Variants in SLC25A26 observed in about 807,000 individuals in gnomAD.
SLC25A26 encodes the protein solute carrier family 25 member 26.
A neutral mutation model predicts 37.8 loss-of-function variants in SLC25A26; 36 were observed. The ratio of observed to expected loss-of-function variants is 0.95; its 90% CI spans 0.73 to 1.26. SLC25A26 has a LOEUF of 1.26. Ranked by LOEUF, SLC25A26 falls within the 50% of genes most tolerant of loss-of-function variation. The probability of loss-of-function intolerance (pLI) is 0.00; values close to 1 mark genes in which losing one functional copy is unlikely to be tolerated. For missense variants in SLC25A26, 390 were observed against 331.1 expected, an observed-to-expected ratio of 1.18 and a Z score of -1.38; for synonymous variants, 129 against 122.5, an observed-to-expected ratio of 1.05 and a Z score of -0.35.
At chr3:66,363,009 C>A in intron 7 of SLC25A26, 80 bp downstream of exon 7, 1 of 885,762 alleles carries the variant, frequency 1.1e-6, no homozygotes, top group Non-Finnish European at 1.7e-6. Context: ...AAACAACATT[C>A]TTTAGACATT....
At chr3:66,335,311 A>T (rs2076069298) in intron 5 of SLC25A26, among the ~76,000 whole-genome samples, 1 of 152,224 alleles carries the variant, frequency 6.6e-6, no homozygotes, top group Admixed American at 6.5e-5. Context: ...TTATGGAGTG[A>T]CTTTACAGAG....
At chr3:66,374,637 G>C (rs332377) in intron 9 of SLC25A26, among the ~76,000 whole-genome samples, 111,069 of 152,190 alleles carry the variant, frequency 0.73, 41,199 homozygotes, top group African/African-American at 0.86. Context: ...GTAATCCCAG[G>C]ATTTTGGGGG....
chr3:66,144,721 G>A (rs985488086), intron 1 of SLC25A26, among the ~76,000 whole-genome samples: 2 of 152,184 alleles, frequency 1.3e-5, no homozygotes, highest in Non-Finnish European at 2.9e-5. Context: ...TTGTGCACAC[G>A]TTCATGGACC....
chr3:66,283,788 AACC>A (rs1305048925), intron 5 of SLC25A26, among the ~76,000 whole-genome samples: 1 of 152,256 alleles, frequency 6.6e-6, no homozygotes, highest in Non-Finnish European at 1.5e-5. Context: ...TGCAAAAAAG[AACC>A]ACACATATTT....
At chr3:66,351,683 T>C (rs2076457389) in intron 6 of SLC25A26, among the ~76,000 whole-genome samples, 1 of 152,158 alleles carries the variant, frequency 6.6e-6, no homozygotes, top group Non-Finnish European at 1.5e-5. Context: ...TTTTTATTTG[T>C]CTTCTTCCCA....
At chr3:66,230,053 C>T (rs886486401) in intron 1 of SLC25A26, among the ~76,000 whole-genome samples, 2 of 152,212 alleles carry the variant, frequency 1.3e-5, no homozygotes, top group Non-Finnish European at 2.9e-5. Flanking sequence ...GAACAGGGAC[C>T]ACCAAGCAGT....
chr3:66,327,719 C>T (rs1411592956), intron 5 of SLC25A26, among the ~76,000 whole-genome samples: 1 of 151,916 alleles, frequency 6.6e-6, no homozygotes, highest in Non-Finnish European at 1.5e-5. Context: ...ATATGATTGA[C>T]ATACAAAAAG....
At chr3:66,367,324 T>A (rs572825453) in intron 7 of SLC25A26, among the ~76,000 whole-genome samples, 3 of 152,292 alleles carry the variant, frequency 2.0e-5, no homozygotes, top group Admixed American at 1.3e-4. Flanking sequence ...CCAGAGTCAG[T>A]ACAGGCTTTA....
chr3:66,291,684 T>G (rs896320681), intron 5 of SLC25A26, among the ~76,000 whole-genome samples: 2 of 152,168 alleles, frequency 1.3e-5, no homozygotes, highest in Admixed American at 1.3e-4. Context: ...ATGATTTCCA[T>G]TTTTTTACAT....
intron 2 of SLC25A26, among the ~76,000 whole-genome samples, chr3:66,241,899 A>G (rs1332142985): frequency 6.6e-6 from 1 of 150,906 alleles, no homozygotes; most frequent in South Asian, 2.1e-4. Flanking sequence ...AAGGGAATGT[A>G]GAGAAAGCAT....
chr3:66,169,424 C>T (rs2070466023), intron 1 of SLC25A26, among the ~76,000 whole-genome samples: 1 of 152,240 alleles, frequency 6.6e-6, no homozygotes, highest in South Asian at 2.1e-4. Flanking sequence ...TTTCTGAGTG[C>T]TTCACACTGT....
At chr3:66,288,145 T>C (rs1222661565) in intron 5 of SLC25A26, among the ~76,000 whole-genome samples, 2 of 152,194 alleles carry the variant, frequency 1.3e-5, no homozygotes, top group Non-Finnish European at 2.9e-5. Flanking sequence ...TCATTAGTAG[T>C]TGAACACTCA....
At chr3:66,363,350 A>G (rs2076755646) in intron 7 of SLC25A26, among the ~76,000 whole-genome samples, 1 of 152,176 alleles carries the variant, frequency 6.6e-6, no homozygotes, top group South Asian at 2.1e-4. Context: ...CATGTTTGAC[A>G]GCACTGTAGA....
upstream of SLC25A26, chr3:66,220,752 C>A (rs1486848048): frequency 2.4e-6 from 1 of 408,412 alleles, no homozygotes; most frequent in East Asian, 6.1e-5. Context: ...TTCAGAATCA[C>A]GCCGGCCTCA....
chr3:66,284,718 A>G (rs1312649853), intron 5 of SLC25A26, among the ~76,000 whole-genome samples: 1 of 152,194 alleles, frequency 6.6e-6, no homozygotes, highest in African/African-American at 2.4e-5. Flanking sequence ...ATATAGGGTA[A>G]GTGCTCATAC....
At chr3:66,263,905 G>A (rs753426033) in intron 5 of SLC25A26, among the ~76,000 whole-genome samples, 7 of 151,960 alleles carry the variant, frequency 4.6e-5, no homozygotes, top group African/African-American at 9.7e-5. Flanking sequence ...TGATCCTCCC[G>A]CCTCGGCCTC....
chr3:66,256,144 C>T (rs2107233368), intron 3 of SLC25A26, among the ~76,000 whole-genome samples: 1 of 151,936 alleles, frequency 6.6e-6, no homozygotes, highest in East Asian at 1.9e-4. Context: ...GTTAGTATAC[C>T]CTTTTCTTTC....
In SLC25A26 at chr3:66,238,616, T is replaced by C. The variant is rs185661756; in HGVS notation, c.190+1916T>C. ...CCGACGTCACGTGATCTGCCTGCCT[T>C]GGCCTCCCAAAGTGCTGGGATTACA... On this transcript the variant is annotated intron_variant, in intron 2 of 9. Transcript: ENST00000354883. Among the ~76,000 whole-genome samples, 114 of 152,262 alleles carry C rather than the reference T, an allele frequency of 7.5e-4. 1 individual carries two copies. Among genetic ancestry groups the C allele is most frequent in the Non-Finnish European group, 7.4e-5 (5 of 68,016 alleles).
chr3:66,256,950 G>C (rs192234872), intron 3 of SLC25A26, among the ~76,000 whole-genome samples: 78 of 152,236 alleles, frequency 5.1e-4, no homozygotes, highest in Non-Finnish European at 8.7e-4. Flanking sequence ...TGGAATTGAT[G>C]ATTATTTTTT....
Sources: gnomAD v4.1 joint callset for allele counts (sites outside exome capture counted in the v4.1 genomes callset) on GRCh38, gnomAD v4.1.1 for gene constraint, MANE v1.5 for transcripts, NCBI Gene and HGNC (gene_info 2026-07-23, HGNC 2026-07-21) for gene names.